The following ROR2 variants were observed in gnomAD, a reference collection of about 807,000 sequenced individuals.
The protein encoded by ROR2 is tyrosine-protein kinase transmembrane receptor ROR2.
A neutral mutation model predicts 74.9 loss-of-function variants in ROR2; 33 were observed. The ratio of observed to expected loss-of-function variants is 0.44; its 90% CI spans 0.33 to 0.59. The LOEUF (loss-of-function observed/expected upper bound fraction) is 0.59. Among genes scored for constraint, ROR2 ranks in the 20% least tolerant of loss-of-function variants. ROR2 has a pLI of 0.02. For missense variants in ROR2, 1,216 were observed against 1,313.8 expected, an observed-to-expected ratio of 0.93 and a Z score of 1.15; for synonymous variants, 586 against 558.7, an observed-to-expected ratio of 1.05 and a Z score of -0.69.
intron 1 of ROR2, among the ~76,000 whole-genome samples, chr9:91,815,785 C>T (rs551351864): frequency 6.6e-6 from 1 of 152,280 alleles, no homozygotes; most frequent in East Asian, 1.9e-4. Flanking sequence ...CTCAGTTGAT[C>T]GGAAGGATAT....
At chr9:91,731,283 A>C in intron 6 of ROR2, 128 bp from the exon 7 acceptor site, 1 of 1,332,652 alleles carries the variant, frequency 7.5e-7, no homozygotes, top group African/African-American at 1.4e-5. Flanking sequence ...GAGGCATTAA[A>C]AGTAATGGCT....
intron 1 of ROR2, among the ~76,000 whole-genome samples, chr9:91,879,435 TG>T (rs746962164): frequency 1.4e-5 from 2 of 146,892 alleles, no homozygotes; most frequent in African/African-American, 5.4e-5. Flanking sequence ...TGTGTGGGTG[TG>T]GGGGGGTGTG....
At chr9:91,914,489 C>T (rs1205203550) in intron 1 of ROR2, among the ~76,000 whole-genome samples, 7 of 152,136 alleles carry the variant, frequency 4.6e-5, no homozygotes, top group Non-Finnish European at 7.4e-5. Flanking sequence ...ATGACGTCAC[C>T]GAGGTCCAGG....
chr9:91,772,635 T>C (rs16907764), intron 2 of ROR2, among the ~76,000 whole-genome samples: 2 of 152,174 alleles, frequency 1.3e-5, no homozygotes, highest in Non-Finnish European at 1.5e-5. Flanking sequence ...ATGTGCCCAC[T>C]TGACGGGCCA....
At chr9:91,909,947 C>T (rs777268711) in intron 1 of ROR2, among the ~76,000 whole-genome samples, 10 of 145,118 alleles carry the variant, frequency 6.9e-5, no homozygotes, top group Admixed American at 1.4e-4. Context: ...CTATAACCTC[C>T]GCCTCCCGGG....
At chr9:91,773,906 AGGCCACTT>A (rs138771271) in intron 2 of ROR2, among the ~76,000 whole-genome samples, 2,579 of 152,242 alleles carry the variant, frequency 0.017, 118 homozygotes, top group East Asian at 0.088. Context: ...CTCTTCCTTT[AGGCCACTT>A]GGCCACAACT....
chr9:91,899,027 G>T (rs1283970931), intron 1 of ROR2, among the ~76,000 whole-genome samples: 2 of 152,216 alleles, frequency 1.3e-5, no homozygotes, highest in East Asian at 3.9e-4. Context: ...AGAGAGGGCA[G>T]CGGAAATGGC....
intron 2 of ROR2, among the ~76,000 whole-genome samples, chr9:91,769,483 C>A (rs1826161302): frequency 6.6e-6 from 1 of 152,164 alleles, no homozygotes; most frequent in Non-Finnish European, 1.5e-5. Context: ...TGGGACACCA[C>A]CCCCCACTCC....
chr9:91,855,249 T>A (rs1257807475), intron 1 of ROR2, among the ~76,000 whole-genome samples: 2 of 152,050 alleles, frequency 1.3e-5, no homozygotes, highest in East Asian at 3.9e-4. Flanking sequence ...GCTCCTAGAG[T>A]CCATCCATCC....
chr9:91,920,706 T>G (rs1323926074), intron 1 of ROR2, among the ~76,000 whole-genome samples: 5 of 151,954 alleles, frequency 3.3e-5, no homozygotes, highest in African/African-American at 1.2e-4. Context: ...TGCTCTGGGG[T>G]GTGAAGCAGA....
rs750878076 is a variant in ROR2, at chr9:91,757,465, G to T, written c.270C>A (p.Pro90=). ...CATTCTTTAGCCACCGCACGTTAGG[G>T]GGTGGGTTTCCTGCCACCTTGCAGT... ...ILHCKVAGNP[P]PNVRWLKNDA... Residue 90 remains proline, a synonymous_variant, in exon 3 of 9, where the codon CCC becomes CCA. Transcript: ENST00000375708. 1.9e-6 allele frequency: 3 copies of T among 1,613,788 alleles called. No homozygotes were observed. Among genetic ancestry groups the T allele is most frequent in the Middle Eastern group, 1.6e-4 (1 of 6,084 alleles).
intron 1 of ROR2, among the ~76,000 whole-genome samples, chr9:91,921,785 C>A (rs1349952807): frequency 6.6e-6 from 1 of 151,262 alleles, no homozygotes; most frequent in African/African-American, 2.4e-5. Context: ...ATCGCTTGAA[C>A]CCGGGAGACA....
chr9:91,944,367 C>T (rs1299851597), intron 1 of ROR2, among the ~76,000 whole-genome samples: 3 of 152,106 alleles, frequency 2.0e-5, no homozygotes, highest in African/African-American at 7.2e-5. Flanking sequence ...AAGTTCCAGG[C>T]TGAGCAATTA....
In ROR2 at chr9:91,892,598, T is replaced by TC. The variant is rs112564554; in HGVS notation, c.97+57268_97+57269insG. On this transcript the variant is annotated intron_variant, in intron 1 of 8. Transcript: ENST00000375708. The stretch of plus-strand genomic sequence containing the variant: ...TCTTTTTCTTTTCTTTTCTTTTTTT[T>TC]TTTTTTTTTTCAGATGGAGTCTTGC... Among the ~76,000 whole-genome samples, 143 of 148,236 alleles carry TC rather than the reference T, an allele frequency of 9.6e-4. 1 individual carries two copies. The highest frequency in any genetic ancestry group is 3.3e-3 in the African/African-American group (133 of 40,156).
intron 1 of ROR2, among the ~76,000 whole-genome samples, chr9:91,911,071 T>C (rs987842409): frequency 6.6e-6 from 1 of 152,256 alleles, no homozygotes; most frequent in Non-Finnish European, 1.5e-5. Flanking sequence ...TTCCAAACAA[T>C]ACCTGGGACA....
Position 91,724,271 on chromosome 9 carries a change from G to A in ROR2, c.2223C>T (p.Asp741=), listed in dbSNP as rs768611466. 7.4e-6 allele frequency: 12 copies of A among 1,613,518 alleles called. No homozygotes were observed. In the Admixed American group the frequency reaches 1.7e-4, roughly 22 times the overall value. Residue 741 remains aspartate, a synonymous_variant, in exon 9 of 9, where the codon GAC becomes GAT. Transcript: ENST00000375708. ...EFPSRRPRFK[D]IHSRLRAWGN... ...CCCAGGCTCGGAGCCGGCTGTGGAT[G>A]TCCTTGAAGCGGGGCCGCCGGCTGG...
At chr9:91,923,430 A>G (rs1831322615) in intron 1 of ROR2, among the ~76,000 whole-genome samples, 1 of 152,238 alleles carries the variant, frequency 6.6e-6, no homozygotes, top group African/African-American at 2.4e-5. Flanking sequence ...TGGACGGTAC[A>G]GCTACAGAAC....
chr9:91,833,041 G>C (rs558555717), intron 1 of ROR2, among the ~76,000 whole-genome samples: 6 of 152,194 alleles, frequency 3.9e-5, no homozygotes, highest in Non-Finnish European at 8.8e-5. Context: ...GAGGGGCTCA[G>C]AGTGGGCTCC....
At chr9:91,758,893 G>A (rs1825835046) in intron 2 of ROR2, among the ~76,000 whole-genome samples, 1 of 152,236 alleles carries the variant, frequency 6.6e-6, no homozygotes, top group African/African-American at 2.4e-5. Context: ...AGAGGAACAT[G>A]CAAATACAAT....
Sources: gnomAD v4.1 joint callset for allele counts (sites outside exome capture counted in the v4.1 genomes callset) on GRCh38, gnomAD v4.1.1 for gene constraint, MANE v1.5 for transcripts, NCBI Gene and HGNC (gene_info 2026-07-23, HGNC 2026-07-21) for gene names.